The following FNDC3A variants were observed in gnomAD, a reference collection of about 807,000 sequenced individuals.
FNDC3A encodes the protein fibronectin type-III domain-containing protein 3A.
Under a neutral mutation model 148.9 loss-of-function variants are expected in FNDC3A, and 32 were observed. The observed-to-expected ratio is 0.21, with a 90% CI of 0.16 to 0.29. The LOEUF (loss-of-function observed/expected upper bound fraction) is 0.29. Among genes scored for constraint, FNDC3A ranks in the 10% least tolerant of loss-of-function variants. The probability of loss-of-function intolerance (pLI) is 1.00; values close to 1 mark genes in which losing one functional copy is unlikely to be tolerated. For synonymous variants in FNDC3A, 472 were observed against 473.6 expected, an observed-to-expected ratio of 1.00 and a Z score of 0.04; for missense variants, 1,191 against 1,452.8, an observed-to-expected ratio of 0.82 and a Z score of 2.93.
intron 3 of FNDC3A, among the ~76,000 whole-genome samples, chr13:49,112,826 A>G (rs1373893388): frequency 1.3e-5 from 2 of 152,192 alleles, no homozygotes; most frequent in African/African-American, 2.4e-5. Context: ...GGCCTGGCAC[A>G]TAGTAAGTTA....
intron 4 of FNDC3A, among the ~76,000 whole-genome samples, chr13:49,121,541 AAATC>A (rs1881342293): frequency 6.6e-6 from 1 of 152,208 alleles, no homozygotes. Context: ...CCCTTCAAAA[AAATC>A]AATCAGTTCA....
At chr13:49,141,851 CA>C (rs1449018541) in intron 7 of FNDC3A, among the ~76,000 whole-genome samples, 2 of 152,030 alleles carry the variant, frequency 1.3e-5, no homozygotes, top group East Asian at 3.9e-4. Flanking sequence ...CAGATTTTTA[CA>C]CAATCATACC....
intron 3 of FNDC3A, among the ~76,000 whole-genome samples, chr13:49,114,107 A>T (rs1880763040): frequency 6.6e-6 from 1 of 152,130 alleles, no homozygotes; most frequent in Non-Finnish European, 1.5e-5. Context: ...TGAGTCACAC[A>T]TTACACAAGT....
intron 1 of FNDC3A, among the ~76,000 whole-genome samples, chr13:48,995,876 A>C (rs1680985092): frequency 6.6e-6 from 1 of 152,220 alleles, no homozygotes; most frequent in South Asian, 2.1e-4. Flanking sequence ...GTTTCATCTC[A>C]GGAAATTCCA....
chr13:48,978,717 C>A (rs369304723), intron 1 of FNDC3A, among the ~76,000 whole-genome samples: 5 of 152,066 alleles, frequency 3.3e-5, no homozygotes, highest in African/African-American at 1.2e-4. Flanking sequence ...AATAAACTCA[C>A]AATATTGTAA....
At chr13:49,046,590 T>C (rs190939046) in intron 2 of FNDC3A, 93 of 165,508 alleles carry the variant, frequency 5.6e-4, no homozygotes, top group African/African-American at 1.7e-3. Context: ...ACACCCATGA[T>C]TCATTTTCAG....
intron 4 of FNDC3A, among the ~76,000 whole-genome samples, chr13:49,129,573 C>G (rs1447876665): frequency 1.3e-5 from 2 of 152,166 alleles, no homozygotes; most frequent in Admixed American, 6.5e-5. Context: ...ATCAGCAGTT[C>G]CCAGATTCCC....
chr13:49,135,001 G>A (rs1363383625), intron 5 of FNDC3A, among the ~76,000 whole-genome samples: 1 of 151,264 alleles, frequency 6.6e-6, no homozygotes, highest in East Asian at 1.9e-4. Flanking sequence ...GATTACAGGT[G>A]CGCGCCACCA....
chr13:49,153,594 A>C (rs1285818112), intron 8 of FNDC3A, among the ~76,000 whole-genome samples: 1 of 152,066 alleles, frequency 6.6e-6, no homozygotes, highest in Non-Finnish European at 1.5e-5. Context: ...GTCCTTGCCC[A>C]TGCCTATGTC....
At chr13:49,054,916 T>C (rs999101315) in intron 2 of FNDC3A, among the ~76,000 whole-genome samples, 1 of 152,204 alleles carries the variant, frequency 6.6e-6, no homozygotes, top group African/African-American at 2.4e-5. Flanking sequence ...TCTCTTTTTC[T>C]ACTTCATTTG....
intron 5 of FNDC3A, among the ~76,000 whole-genome samples, chr13:49,134,518 T>C (rs1882217623): frequency 6.6e-6 from 1 of 152,164 alleles, no homozygotes. Flanking sequence ...GTTTTTGTGT[T>C]GACATATTTT....
chr13:49,025,335 AATGT>A (rs1271307337), intron 2 of FNDC3A, among the ~76,000 whole-genome samples: 2 of 152,156 alleles, frequency 1.3e-5, no homozygotes, highest in South Asian at 4.1e-4. Flanking sequence ...ATACTTGAAA[AATGT>A]ATATTCTAAT....
At chr13:49,072,532 G>C (rs1877767690) in intron 2 of FNDC3A, among the ~76,000 whole-genome samples, 1 of 151,922 alleles carries the variant, frequency 6.6e-6, no homozygotes, top group African/African-American at 2.4e-5. Flanking sequence ...TCACTTCTTA[G>C]GTTAAATTTA....
At chr13:49,001,665 A>T (rs1385228302) in intron 1 of FNDC3A, among the ~76,000 whole-genome samples, 1 of 152,118 alleles carries the variant, frequency 6.6e-6, no homozygotes, top group Non-Finnish European at 1.5e-5. Context: ...AAGCTGTGGG[A>T]TGAAATAAGC....
intron 3 of FNDC3A, among the ~76,000 whole-genome samples, chr13:49,101,615 A>G (rs542002930): frequency 4.8e-4 from 73 of 151,730 alleles, no homozygotes; most frequent in Non-Finnish European, 8.0e-4. Flanking sequence ...ATCAAAATCA[A>G]CTCTTCTTTT....
intron 2 of FNDC3A, among the ~76,000 whole-genome samples, chr13:49,060,914 T>C (rs1040799309): frequency 6.6e-6 from 1 of 152,176 alleles, no homozygotes; most frequent in Non-Finnish European, 1.5e-5. Context: ...GAAGTATACA[T>C]GGAGGTGATG....
intron 3 of FNDC3A, among the ~76,000 whole-genome samples, chr13:49,104,233 A>G (rs1397419021): frequency 6.6e-6 from 1 of 152,144 alleles, no homozygotes; most frequent in Non-Finnish European, 1.5e-5. Flanking sequence ...GTGGGTTGCA[A>G]TGTGATTTTG....
At chr13:49,177,628 A>G (rs1466766240) in intron 13 of FNDC3A, among the ~76,000 whole-genome samples, 1 of 152,192 alleles carries the variant, frequency 6.6e-6, no homozygotes, top group East Asian at 1.9e-4. Context: ...AGTGGAAGCA[A>G]CCCAAATGTC....
intron 2 of FNDC3A, among the ~76,000 whole-genome samples, chr13:49,071,415 A>G (rs1877682208): frequency 6.6e-6 from 1 of 152,084 alleles, no homozygotes; most frequent in Non-Finnish European, 1.5e-5. Flanking sequence ...GCTGGGTCAT[A>G]TGGTAGTTCT....
Sources: gnomAD v4.1 joint callset for allele counts (sites outside exome capture counted in the v4.1 genomes callset) on GRCh38, gnomAD v4.1.1 for gene constraint, MANE v1.5 for transcripts, NCBI Gene and HGNC (gene_info 2026-07-23, HGNC 2026-07-21) for gene names.